The following ENTREP1 variants were observed in gnomAD, a reference collection of about 807,000 sequenced individuals.
ENTREP1 encodes the protein endosomal transmembrane epsin interactor 1.
the ENTREP1 span, among the ~76,000 whole-genome samples, chr9:69,335,363 C>T: frequency 2.0e-5 from 3 of 152,138 alleles, no homozygotes; most frequent in African/African-American, 7.2e-5. Flanking sequence ...GAGGGCTTCT[C>T]AGGGCAGGTG....
chr9:69,338,983 A>T, the ENTREP1 span, among the ~76,000 whole-genome samples: 20 of 152,272 alleles, frequency 1.3e-4, no homozygotes, highest in Middle Eastern at 6.8e-3. Flanking sequence ...TTGGAGACTT[A>T]GTCAGTATCA....
the ENTREP1 span, among the ~76,000 whole-genome samples, chr9:69,346,574 T>C: frequency 6.6e-6 from 1 of 152,238 alleles, no homozygotes; most frequent in Non-Finnish European, 1.5e-5. Context: ...TTGATAGTGA[T>C]ATTTTACTTT....
chr9:69,384,037 A>G, the ENTREP1 span: 8 of 1,572,672 alleles, frequency 5.1e-6, no homozygotes, highest in Non-Finnish European at 7.0e-6. Flanking sequence ...TAATAGATAC[A>G]TTGTGACATG....
At chr9:69,379,125 T>G in the ENTREP1 span, among the ~76,000 whole-genome samples, 31 of 152,326 alleles carry the variant, frequency 2.0e-4, no homozygotes, top group South Asian at 3.9e-3. Flanking sequence ...GCCAGAAATT[T>G]CTATTTTTTA....
At chr9:69,384,916 CTTTATT>C in the ENTREP1 span, among the ~76,000 whole-genome samples, 15 of 151,324 alleles carry the variant, frequency 9.9e-5, no homozygotes, top group Non-Finnish European at 5.9e-5. Flanking sequence ...TTTTTTTTAA[CTTTATT>C]TTTATTTATT....
chr9:69,331,598 C>G, the ENTREP1 span, among the ~76,000 whole-genome samples: 1 of 152,172 alleles, frequency 6.6e-6, no homozygotes, highest in Non-Finnish European at 1.5e-5. Flanking sequence ...CAAGTTTCAT[C>G]TTGCGCTGGA....
chr9:69,354,454 C>T, the ENTREP1 span, among the ~76,000 whole-genome samples: 1 of 152,040 alleles, frequency 6.6e-6, no homozygotes, highest in Non-Finnish European at 1.5e-5. Context: ...GACAGGGTTT[C>T]ACCATGTTGG....
the ENTREP1 span, among the ~76,000 whole-genome samples, chr9:69,370,766 G>T: frequency 6.6e-6 from 1 of 152,118 alleles, no homozygotes; most frequent in Admixed American, 6.5e-5. Flanking sequence ...TTGATGCTTT[G>T]TTCTAACGCT....
the ENTREP1 span, among the ~76,000 whole-genome samples, chr9:69,357,215 G>C: frequency 1.3e-5 from 2 of 152,048 alleles, no homozygotes; most frequent in African/African-American, 4.8e-5. Context: ...CAAGAGGCTT[G>C]AAAGTGCCCT....
At chr9:69,339,514 G>T in the ENTREP1 span, among the ~76,000 whole-genome samples, 1 of 152,186 alleles carries the variant, frequency 6.6e-6, no homozygotes, top group East Asian at 1.9e-4. Context: ...ACCAAGGGAA[G>T]CTCTACCCTG....
chr9:69,342,687 T>C, the ENTREP1 span, among the ~76,000 whole-genome samples: 1 of 152,242 alleles, frequency 6.6e-6, no homozygotes, highest in Non-Finnish European at 1.5e-5. Context: ...GTAAACACAT[T>C]ATGAATTATT....
chr9:69,386,940 C>T, the ENTREP1 span: 1 of 152,310 alleles, frequency 6.6e-6, no homozygotes, highest in Non-Finnish European at 1.5e-5. Context: ...GACCTGCCTT[C>T]ACTGTGGGTC....
the ENTREP1 span, among the ~76,000 whole-genome samples, chr9:69,348,394 A>G: frequency 6.6e-6 from 1 of 152,210 alleles, no homozygotes. Context: ...TGCTGGGATT[A>G]CAGGTGTGAG....
At chr9:69,368,439 T>G in the ENTREP1 span, among the ~76,000 whole-genome samples, 1 of 152,200 alleles carries the variant, frequency 6.6e-6, no homozygotes, top group Non-Finnish European at 1.5e-5. Flanking sequence ...ATTCTCATAA[T>G]GTGATGTATC....
the ENTREP1 span, among the ~76,000 whole-genome samples, chr9:69,350,411 C>T: frequency 7.2e-4 from 110 of 152,208 alleles, 1 homozygote; most frequent in African/African-American, 2.5e-3. Flanking sequence ...TATCTGGCTT[C>T]TTGATCATAT....
At chr9:69,377,773 G>A in the ENTREP1 span, 10 of 1,590,602 alleles carry the variant, frequency 6.3e-6, no homozygotes, top group Non-Finnish European at 8.6e-6. Context: ...CCTGCAGTCT[G>A]AGTGGGATGC....
the ENTREP1 span, among the ~76,000 whole-genome samples, chr9:69,330,697 G>A: frequency 2.0e-5 from 3 of 151,970 alleles, no homozygotes; most frequent in African/African-American, 4.8e-5. Flanking sequence ...TATAATTTTG[G>A]GGATGAGTTT....
the ENTREP1 span, chr9:69,325,825 T>TG: frequency 1.7e-6 from 2 of 1,206,472 alleles, no homozygotes; most frequent in Non-Finnish European, 2.1e-6. Context: ...GGGCTGCAGT[T>TG]GGGGGAGCCT....
the ENTREP1 span, among the ~76,000 whole-genome samples, chr9:69,335,614 C>T: frequency 9.2e-5 from 14 of 152,058 alleles, no homozygotes; most frequent in African/African-American, 2.7e-4. Flanking sequence ...TTTCCCATTT[C>T]GAAGACTTTA....
Sources: gnomAD v4.1 joint callset for allele counts (sites outside exome capture counted in the v4.1 genomes callset) on GRCh38, gnomAD v4.1.1 for gene constraint, MANE v1.5 for transcripts, NCBI Gene and HGNC (gene_info 2026-07-23, HGNC 2026-07-21) for gene names.